Variants in AK9 observed in about 807,000 individuals in gnomAD.
The protein encoded by AK9 is adenylate kinase domain containing 1.
A neutral mutation model predicts 239.6 loss-of-function variants in AK9; 191 were observed. That is an observed-to-expected ratio of 0.80 (90% CI 0.71 to 0.90). The LOEUF (loss-of-function observed/expected upper bound fraction) is 0.90, where lower values mean the gene tolerates loss of function less well. Among genes scored for constraint, AK9 ranks in the 40% least tolerant of loss-of-function variants. The pLI, the probability that AK9 is intolerant of heterozygous loss-of-function variation, is 0.00. For missense variants in AK9, 1,995 were observed against 2,214.7 expected (o/e 0.90, Z 1.99); for synonymous variants, 689 against 721.0 (o/e 0.96, Z 0.71).
chr6:109,646,042 A>G (rs1195570946), intron 8 of AK9, among the ~76,000 whole-genome samples: 2 of 152,232 alleles, frequency 1.3e-5, no homozygotes, highest in African/African-American at 4.8e-5. Context: ...AAACAGTAGC[A>G]TCAACATCAA....
At position 109,493,301 on chromosome 6, in the gene AK9, C is replaced by A; in HGVS notation, c.*68G>T. 1.3e-6 allele frequency: 2 copies of A among 1,509,000 alleles called. No individual in the cohort carries two copies. The highest frequency in any genetic ancestry group is 1.8e-6 in the Non-Finnish European group (2 of 1,100,742). The allele number at this position is 1,509,000 out of a possible 1,614,324, so 93.5% of individuals were successfully genotyped here. ...CCAAGAGGCCCAGATTTTCAATCTA[C>A]TTCTCTCAGTTTCCCTCTATCACTT... On this transcript the variant is annotated 3_prime_UTR_variant, in exon 41 of 41. Transcript: ENST00000424296.
chr6:109,531,308 G>A (rs914117737), intron 28 of AK9, among the ~76,000 whole-genome samples: 3 of 152,080 alleles, frequency 2.0e-5, no homozygotes, highest in African/African-American at 4.8e-5. Context: ...CTGTAGGAGC[G>A]CTGGTGTCAG....
intron 29 of AK9, among the ~76,000 whole-genome samples, chr6:109,517,836 A>G: frequency 6.6e-6 from 1 of 152,102 alleles, no homozygotes; most frequent in East Asian, 1.9e-4. Context: ...ACTTTGCACA[A>G]AACTGAACCC....
chr6:109,600,595 A>G (rs1475742526), intron 17 of AK9, among the ~76,000 whole-genome samples: 2 of 152,148 alleles, frequency 1.3e-5, no homozygotes, highest in African/African-American at 2.4e-5. Context: ...GGCCTCATAA[A>G]ATGACTTAGG....
intron 5 of AK9, among the ~76,000 whole-genome samples, chr6:109,662,984 G>T (rs1800631558): frequency 6.6e-6 from 1 of 152,028 alleles, no homozygotes; most frequent in Non-Finnish European, 1.5e-5. Flanking sequence ...TGTTAGGAAA[G>T]TTTACTCATA....
intron 29 of AK9, among the ~76,000 whole-genome samples, chr6:109,516,953 TG>T (rs1297250468): frequency 6.6e-6 from 1 of 152,312 alleles, no homozygotes; most frequent in East Asian, 1.9e-4. Flanking sequence ...TCCTTGAGGA[TG>T]TGACTTTATG....
chr6:109,590,305 T>A (rs1790047833), intron 17 of AK9, among the ~76,000 whole-genome samples: 1 of 152,184 alleles, frequency 6.6e-6, no homozygotes, highest in African/African-American at 2.4e-5. Context: ...GGAGGATGTA[T>A]ATTTCTAAGA....
At chr6:109,624,240 G>A (rs1188218602) in intron 12 of AK9, among the ~76,000 whole-genome samples, 2 of 152,086 alleles carry the variant, frequency 1.3e-5, no homozygotes, top group African/African-American at 4.8e-5. Flanking sequence ...CAGGCCTGCA[G>A]AACAACTGAC....
chr6:109,536,698 G>A (rs1048500600), intron 27 of AK9, among the ~76,000 whole-genome samples: 2 of 152,178 alleles, frequency 1.3e-5, no homozygotes, highest in Non-Finnish European at 2.9e-5. Flanking sequence ...CAAAGGGAAT[G>A]CTTCCAGTTT....
At chr6:109,669,643 A>G (rs1421036296) in intron 5 of AK9, among the ~76,000 whole-genome samples, 2 of 152,188 alleles carry the variant, frequency 1.3e-5, no homozygotes, top group African/African-American at 4.8e-5. Context: ...CTATTGACCT[A>G]ATCAAGTTTA....
chr6:109,688,560 G>C (rs139239581), intron 1 of AK9, among the ~76,000 whole-genome samples: 125 of 152,274 alleles, frequency 8.2e-4, no homozygotes, highest in African/African-American at 2.9e-3. Context: ...GGATTGTGTG[G>C]GATTGAGACA....
rs1799947829 is a variant in AK9, at chr6:109,658,117, C to A, written c.630+1111G>T. Among the ~76,000 whole-genome samples, 4 of 152,118 alleles carry A rather than the reference C, an allele frequency of 2.6e-5. No individual in the cohort carries two copies. The South Asian group carries it at 8.3e-4, about 31-fold the overall frequency. On this transcript the variant is annotated intron_variant, in intron 7 of 40. Transcript: ENST00000424296. ...CTTTTCACAATTACAAATAATGTTG[C>A]AATAAGTAGCTTCATAGATAAATCT...
At chr6:109,578,392 T>G (rs1055708411) in intron 20 of AK9, among the ~76,000 whole-genome samples, 1 of 152,210 alleles carries the variant, frequency 6.6e-6, no homozygotes, top group African/African-American at 2.4e-5. Flanking sequence ...CTAATTGAGC[T>G]TATTTGAATC....
At position 109,614,316 on chromosome 6, in the gene AK9, T is replaced by C. The variant is rs1045288320; in HGVS notation, c.1496-20A>G. 6.5e-6 allele frequency: 10 copies of C among 1,548,978 alleles called. No individual in the cohort carries two copies. In the African/African-American group the frequency reaches 9.6e-5, roughly 15 times the overall value. ...TGTACCCTGCAATGAAAGAATAATATACTTTATCAGCTAATCTATTTATAT... is the reference window on the plus strand; with the variant it reads ...TGTACCCTGCAATGAAAGAATAATACACTTTATCAGCTAATCTATTTATAT... On this transcript the variant is annotated intron_variant, in intron 14 of 40. Transcript: ENST00000424296.
At chr6:109,635,922 TG>T (rs1796653687) in intron 10 of AK9, among the ~76,000 whole-genome samples, 1 of 152,218 alleles carries the variant, frequency 6.6e-6, no homozygotes, top group Non-Finnish European at 1.5e-5. Flanking sequence ...GCAATGCAGC[TG>T]TTAAATTTTT....
chr6:109,578,376 A>G (rs1459304559), intron 20 of AK9, among the ~76,000 whole-genome samples: 3 of 152,122 alleles, frequency 2.0e-5, no homozygotes, highest in Non-Finnish European at 4.4e-5. Context: ...GCCTCCTGTT[A>G]CATTTCTAAT....
intron 17 of AK9, among the ~76,000 whole-genome samples, chr6:109,601,444 G>C (rs1163668859): frequency 6.6e-6 from 1 of 152,192 alleles, no homozygotes; most frequent in African/African-American, 2.4e-5. Context: ...CTGAGAGACA[G>C]TTTGTTATAT....
At chr6:109,642,985 A>G (rs1468573541) in intron 9 of AK9, among the ~76,000 whole-genome samples, 1 of 152,194 alleles carries the variant, frequency 6.6e-6, no homozygotes, top group Non-Finnish European at 1.5e-5. Context: ...GAAATCTCTT[A>G]AGGAGTGAGG....
intron 17 of AK9, among the ~76,000 whole-genome samples, chr6:109,604,261 A>G (rs925145133): frequency 6.6e-6 from 1 of 152,130 alleles, no homozygotes; most frequent in African/African-American, 2.4e-5. Flanking sequence ...TAAGTAGTCT[A>G]TTGAGATTTT....
Sources: allele counts gnomAD v4.1 joint callset (sites outside exome capture counted in the v4.1 genomes callset), GRCh38; gene constraint gnomAD v4.1.1; transcripts MANE v1.5; gene names NCBI Gene and HGNC (gene_info 2026-07-23, HGNC 2026-07-21).